PHF2: variants seen among roughly 807,000 people sequenced by gnomAD.
PHF2 encodes PHD finger protein 2, also known as lysine-specific demethylase PHF2.
A neutral mutation model predicts 120.5 loss-of-function variants in PHF2; 27 were observed. The observed-to-expected ratio is 0.22, with a 90% CI of 0.17 to 0.31. The LOEUF (loss-of-function observed/expected upper bound fraction) is 0.31, where lower values mean the gene tolerates loss of function less well. Among genes scored for constraint, PHF2 ranks in the 10% least tolerant of loss-of-function variants. The pLI is 1.00. For missense variants in PHF2, 1,024 were observed against 1,434.8 expected, an observed-to-expected ratio of 0.71 and a Z score of 4.63; for synonymous variants, 568 against 592.5, an observed-to-expected ratio of 0.96 and a Z score of 0.60.
At chr9:93,668,779 C>T (rs1826728595) in intron 17 of PHF2, among the ~76,000 whole-genome samples, 1 of 152,218 alleles carries the variant, frequency 6.6e-6, no homozygotes, top group Non-Finnish European at 1.5e-5. Context: ...GCCCGTGCCT[C>T]GGAGCAGTGT....
Position 93,679,168 on chromosome 9 carries a change from T to G in PHF2, c.*1492T>G. On this transcript the variant is annotated 3_prime_UTR_variant, in exon 22 of 22. Coordinates refer to ENST00000359246, the MANE Select transcript of PHF2 (RefSeq NM_005392.4). ...TTGTACATTTCTTATGAGCTTTGTT[T>G]ATATACCCATTACCTGGATGTTTTT... 1 of 443,598 alleles carries G rather than the reference T, an allele frequency of 2.3e-6. No homozygotes were observed. The highest frequency in any genetic ancestry group is 2.6e-5 in the Admixed American group (1 of 38,330). 27.5% of individuals were successfully genotyped at this position (443,598 alleles called of 1,614,324 possible). A position where few individuals can be genotyped will look rare whatever the true frequency, so the allele number is the denominator to read the frequency against.
At chr9:93,667,043 C>T in intron 16 of PHF2, 37 bp from the exon 17 acceptor site, 2 of 1,577,438 alleles carry the variant, frequency 1.3e-6, no homozygotes, top group Non-Finnish European at 1.7e-6. Flanking sequence ...GGTGGCCAGA[C>T]CCTCCCCTGA....
chr9:93,586,193 C>T (rs1443888745), intron 1 of PHF2, among the ~76,000 whole-genome samples: 1 of 152,236 alleles, frequency 6.6e-6, no homozygotes, highest in Admixed American at 6.5e-5. Flanking sequence ...TGAAGCAGCA[C>T]ACACAGGCTC....
At chr9:93,636,188 G>A (rs1216227300) in intron 2 of PHF2, among the ~76,000 whole-genome samples, 1 of 152,146 alleles carries the variant, frequency 6.6e-6, no homozygotes, top group Non-Finnish European at 1.5e-5. Flanking sequence ...TGCCATCCAT[G>A]GTGAGGTGTG....
chr9:93,663,496 G>A (rs368711193), intron 13 of PHF2, 21 bp from the exon 14 acceptor site: 9 of 1,487,124 alleles, frequency 6.1e-6, no homozygotes, highest in South Asian at 2.3e-5. Flanking sequence ...GCTCAGGGAC[G>A]GCCCTGGTCT....
At chr9:93,599,500 C>T (rs541631237) in intron 1 of PHF2, among the ~76,000 whole-genome samples, 57 of 152,320 alleles carry the variant, frequency 3.7e-4, no homozygotes, top group African/African-American at 1.3e-3. Flanking sequence ...AGATGGAGTG[C>T]GTGGAGGTTG....
intron 1 of PHF2, among the ~76,000 whole-genome samples, chr9:93,582,609 T>C (rs1862952378): frequency 6.6e-6 from 1 of 152,176 alleles, no homozygotes; most frequent in Non-Finnish European, 1.5e-5. Flanking sequence ...TGCTTTAGGG[T>C]ACAGGACCTG....
At chr9:93,594,220 T>A (rs1474102082) in intron 1 of PHF2, among the ~76,000 whole-genome samples, 2 of 139,968 alleles carry the variant, frequency 1.4e-5, no homozygotes, top group Admixed American at 1.4e-4. Context: ...CAATGCACAT[T>A]AGCTTAGTCT....
chr9:93,660,220 T>C lies in PHF2; in HGVS notation c.1358T>C (p.Val453Ala). ...GCCTCCAAAGCCGTCCGACCGGAAG[T>C]GAATACTGTCGCCTCGTCAGATGAG... ...ENASKAVRPE[V>A]NTVASSDEVC... The change falls in exon 12 of 22, where the codon GTG (valine) becomes GCG (alanine). Residue 453 changes from valine (V) to alanine (A), a missense_variant. By Grantham distance (64) the Val-to-Ala change is moderately conservative (BLOSUM62 0). Around this residue, in one of 2 missense-constraint regions of PHF2, gnomAD observed 677 missense variants for 857.4 expected, o/e 0.79. Coordinates refer to ENST00000359246, the MANE Select transcript of PHF2 (RefSeq NM_005392.4). 4.4e-6 allele frequency: 7 copies of C among 1,584,866 alleles called. No individual in the cohort carries two copies. The highest frequency in any genetic ancestry group is 6.0e-6 in the Non-Finnish European group (7 of 1,169,646).
chr9:93,657,477 C>T (rs1368378877), intron 9 of PHF2, among the ~76,000 whole-genome samples: 1 of 152,220 alleles, frequency 6.6e-6, no homozygotes, highest in Non-Finnish European at 1.5e-5. Flanking sequence ...GGGATCAGGG[C>T]AGCACCTGGG....
Position 93,653,172 on chromosome 9 carries a change from C to T in PHF2, c.603-7C>T. 3 of 1,613,732 alleles carry T rather than the reference C, an allele frequency of 1.9e-6. No individual in the cohort carries two copies. The highest frequency in any genetic ancestry group is 1.7e-5 in the Admixed American group (1 of 60,008). ...GTTCCCTCACCACCTTCCTCTCCCA[C>T]CCCTAGAATGTCCAGCTTCGTGGAG... is the stretch of plus-strand genomic sequence containing the variant. On this transcript the variant is annotated splice_region_variant and splice_polypyrimidine_tract_variant and intron_variant, in intron 5 of 21. Transcript: ENST00000359246.
chr9:93,580,367 G>A (rs1161220273), intron 1 of PHF2, among the ~76,000 whole-genome samples: 1 of 152,160 alleles, frequency 6.6e-6, no homozygotes, highest in Non-Finnish European at 1.5e-5. Flanking sequence ...GCTCTGCACC[G>A]GCACTGAGGA....
intron 5 of PHF2, among the ~76,000 whole-genome samples, chr9:93,651,098 T>TTAA (rs1554797408): frequency 7.2e-6 from 1 of 138,912 alleles, no homozygotes; most frequent in Non-Finnish European, 1.5e-5. Context: ...TTTTAAAAAT[T>TTAA]AAAAAAAAAA....
intron 3 of PHF2, among the ~76,000 whole-genome samples, chr9:93,644,185 G>A (rs996258231): frequency 1.3e-5 from 2 of 152,056 alleles, no homozygotes; most frequent in Non-Finnish European, 2.9e-5. Flanking sequence ...TCAGGAGTTC[G>A]AGACCAGCCT....
chr9:93,593,845 A>T (rs1317931083), intron 1 of PHF2, among the ~76,000 whole-genome samples: 1 of 152,266 alleles, frequency 6.6e-6, no homozygotes, highest in Non-Finnish European at 1.5e-5. Context: ...AAGACGGTCT[A>T]GGAGGGAATA....
At chr9:93,621,201 G>A (rs1825819786) in intron 1 of PHF2, among the ~76,000 whole-genome samples, 1 of 152,222 alleles carries the variant, frequency 6.6e-6, no homozygotes, top group South Asian at 2.1e-4. Flanking sequence ...AGGAGGGGCA[G>A]CCCAGTGGTC....
At chr9:93,578,123 A>C (rs968664690) in intron 1 of PHF2, among the ~76,000 whole-genome samples, 4 of 152,142 alleles carry the variant, frequency 2.6e-5, no homozygotes, top group Non-Finnish European at 4.4e-5. Context: ...CAGTCCTGCC[A>C]GTTTACATGT....
intron 1 of PHF2, among the ~76,000 whole-genome samples, chr9:93,618,842 G>GTAT (rs1825772615): frequency 7.1e-6 from 1 of 140,936 alleles, no homozygotes. Flanking sequence ...TGTGGTGTGT[G>GTAT]TGTGTGCCTG....
chr9:93,605,135 T>A (rs1259110504), intron 1 of PHF2, among the ~76,000 whole-genome samples: 2 of 152,278 alleles, frequency 1.3e-5, no homozygotes, highest in Non-Finnish European at 2.9e-5. Flanking sequence ...ATATTTATTA[T>A]GATTGATGAG....
Sources: gnomAD v4.1 joint callset for allele counts (sites outside exome capture counted in the v4.1 genomes callset) on GRCh38, gnomAD v4.1.1 for gene constraint, gnomAD v4.1.1 regional missense constraint, MANE v1.5 for transcripts, NCBI Gene and HGNC (gene_info 2026-07-23, HGNC 2026-07-21) for gene names.